TRIM9: variants seen among roughly 807,000 people sequenced by gnomAD.
TRIM9 encodes E3 ubiquitin-protein ligase TRIM9.
Under a neutral mutation model 78.3 loss-of-function variants are expected in TRIM9, and 26 were observed. That is an observed-to-expected ratio of 0.33 (90% CI 0.24 to 0.46). TRIM9 has a LOEUF of 0.46. TRIM9 is among the 20% of genes least tolerant of loss of function. The probability of loss-of-function intolerance (pLI) is 1.00; values close to 1 mark genes in which losing one functional copy is unlikely to be tolerated. For missense variants in TRIM9, 787 were observed against 1,036.4 expected, an observed-to-expected ratio of 0.76 and a Z score of 3.30; for synonymous variants, 398 against 416.5, an observed-to-expected ratio of 0.96 and a Z score of 0.54.
chr14:50,983,465 G>T (rs770524451), intron 8 of TRIM9, 44 bp from the exon 9 acceptor site: 2 of 1,475,800 alleles, frequency 1.4e-6, no homozygotes, highest in Non-Finnish European at 1.8e-6. Context: ...ACAACAACCA[G>T]GTTGATAAAA....
At chr14:51,090,155 G>A (rs1021397925) in intron 1 of TRIM9, 13 of 152,094 alleles carry the variant, frequency 8.5e-5, no homozygotes, top group African/African-American at 3.1e-4. Flanking sequence ...CTGTAAAAAT[G>A]TTTACATGGC....
chr14:51,015,345 A>G (rs182686657), intron 3 of TRIM9, among the ~76,000 whole-genome samples: 1 of 151,740 alleles, frequency 6.6e-6, no homozygotes, highest in African/African-American at 2.4e-5. Flanking sequence ...TGACACAACC[A>G]GAAGCAAGAC....
intron 1 of TRIM9, among the ~76,000 whole-genome samples, chr14:51,042,038 C>G (rs1350765408): frequency 6.6e-6 from 1 of 152,184 alleles, no homozygotes; most frequent in African/African-American, 2.4e-5. Flanking sequence ...CAGCACAGGT[C>G]TGAGGGGGAT....
At chr14:50,980,139 C>A (rs373086888) in intron 11 of TRIM9, among the ~76,000 whole-genome samples, 1 of 152,310 alleles carries the variant, frequency 6.6e-6, no homozygotes, top group South Asian at 2.1e-4. Flanking sequence ...AGAAGGATAG[C>A]AGTTTTTTGG....
rs925364156 is a variant in TRIM9, at chr14:50,997,772, T to G, written c.1603+278A>C. The G allele has an allele frequency of 3.0e-6, 4 of 1,354,994 alleles. No individual in the cohort carries two copies. In the African/African-American group the frequency reaches 5.8e-5, roughly 20 times the overall value. The allele number at this position is 1,354,994 out of a possible 1,614,324, so 83.9% of individuals were successfully genotyped here. ...ACCAGGGGCACATTCAGGCCTTCAT[T>G]TTTCAGCTTCTTCAACTGCAGCTTA... On this transcript the variant is annotated intron_variant, in intron 7 of 12. Coordinates refer to ENST00000684578, the MANE Select transcript of TRIM9 (RefSeq NM_001387360.1).
chr14:50,999,145 G>C (rs1396865495), intron 6 of TRIM9, among the ~76,000 whole-genome samples: 1 of 152,094 alleles, frequency 6.6e-6, no homozygotes, highest in African/African-American at 2.4e-5. Flanking sequence ...AAGTTCCCAG[G>C]TGAAACCAAT....
chr14:50,996,439 T>G, intron 7 of TRIM9: 5 of 985,480 alleles, frequency 5.1e-6, no homozygotes, highest in Non-Finnish European at 6.0e-6. Flanking sequence ...CAGGCTGTTA[T>G]GCTAATAACT....
intron 1 of TRIM9, among the ~76,000 whole-genome samples, chr14:51,049,644 G>A (rs942838957): frequency 2.2e-4 from 33 of 151,926 alleles, no homozygotes; most frequent in African/African-American, 8.0e-4. Flanking sequence ...AGGCCAAAAT[G>A]GTGAAACGCC....
chr14:51,063,530 G>A (rs910071143), intron 1 of TRIM9, among the ~76,000 whole-genome samples: 1 of 151,862 alleles, frequency 6.6e-6, no homozygotes, highest in East Asian at 1.9e-4. Flanking sequence ...AACAGCAGAA[G>A]TACACATACA....
At chr14:50,997,975 G>A (rs200250163) in intron 7 of TRIM9, 75 bp downstream of exon 7, 1 of 1,595,504 alleles carries the variant, frequency 6.3e-7, no homozygotes, top group East Asian at 2.3e-5. Flanking sequence ...CAGTGGTGGG[G>A]TTACCTCCGG....
chr14:51,066,347 C>A (rs750335318), intron 1 of TRIM9, among the ~76,000 whole-genome samples: 1 of 152,152 alleles, frequency 6.6e-6, no homozygotes, highest in African/African-American at 2.4e-5. Flanking sequence ...CTTTGCAAAC[C>A]CAAAGGTCAG....
chr14:50,988,574 CTTTTT>C (rs67154650), intron 7 of TRIM9, among the ~76,000 whole-genome samples: 36,764 of 138,240 alleles, frequency 0.27, 4,552 homozygotes, highest in Non-Finnish European at 0.3. Context: ...ACAACCATTT[CTTTTT>C]TTTTTTTTTT....
chr14:51,037,271 G>A (rs987475515), intron 1 of TRIM9, among the ~76,000 whole-genome samples: 2 of 152,144 alleles, frequency 1.3e-5, no homozygotes, highest in African/African-American at 2.4e-5. Context: ...TTATACAAAT[G>A]TATTGCTTTT....
chr14:51,068,327 C>CCAAAAA lies in TRIM9; in HGVS notation c.822+25785_822+25790dup, dbSNP rs566420829. On this transcript the variant is annotated intron_variant, in intron 1 of 12. Coordinates refer to ENST00000684578, the MANE Select transcript of TRIM9 (RefSeq NM_001387360.1). ...AAATAGTATATGTATTTGGTGTGCA[C>CCAAAAA]CAAAAACAAAAACAAAAACAAAAAC... Among the ~76,000 whole-genome samples, 152 of 148,576 alleles carry CCAAAAA rather than the reference C, an allele frequency of 1.0e-3. 1 individual carries two copies. Among genetic ancestry groups the CCAAAAA allele is most frequent in the Non-Finnish European group, 1.9e-3 (129 of 66,366 alleles).
At chr14:51,011,831 T>C (rs1005603239) in intron 3 of TRIM9, among the ~76,000 whole-genome samples, 5 of 152,250 alleles carry the variant, frequency 3.3e-5, no homozygotes, top group African/African-American at 1.2e-4. Context: ...TATTTATCGT[T>C]GCAGTCATTG....
At chr14:51,012,596 T>C (rs1485923443) in intron 3 of TRIM9, among the ~76,000 whole-genome samples, 1 of 152,230 alleles carries the variant, frequency 6.6e-6, no homozygotes, top group Non-Finnish European at 1.5e-5. Flanking sequence ...TGCTGGATCA[T>C]GTGGCAATGC....
At chr14:50,981,599 G>A (rs1393273943) in intron 11 of TRIM9, among the ~76,000 whole-genome samples, 9 of 152,176 alleles carry the variant, frequency 5.9e-5, no homozygotes, top group African/African-American at 9.7e-5. Context: ...GAGTAGGAAA[G>A]TACTCAAGTC....
chr14:51,036,357 T>C (rs1222604464), intron 1 of TRIM9, among the ~76,000 whole-genome samples: 2 of 152,222 alleles, frequency 1.3e-5, no homozygotes, highest in African/African-American at 4.8e-5. Flanking sequence ...TTCAAGCTTG[T>C]CTGACTCGCC....
At chr14:51,053,595 ATTT>A (rs59227932) in intron 1 of TRIM9, among the ~76,000 whole-genome samples, 26 of 82,212 alleles carry the variant, frequency 3.2e-4, no homozygotes, top group African/African-American at 1.3e-3. Flanking sequence ...TTTTTTTTTA[ATTT>A]TTTTTTTTTT....
Sources: allele counts gnomAD v4.1 joint callset (sites outside exome capture counted in the v4.1 genomes callset), GRCh38; gene constraint gnomAD v4.1.1; transcripts MANE v1.5; gene names NCBI Gene and HGNC (gene_info 2026-07-23, HGNC 2026-07-21).